Variants in JMJD1C observed in about 807,000 individuals in gnomAD.
JMJD1C encodes jumonji domain-containing protein 1C.
JMJD1C carries 31 observed loss-of-function variants against 245.3 expected under a neutral mutation model. The observed-to-expected ratio is 0.13, with a 90% CI of 0.09 to 0.17. The LOEUF (loss-of-function observed/expected upper bound fraction) is 0.17. Among genes scored for constraint, JMJD1C ranks in the 10% least tolerant of loss-of-function variants. JMJD1C has a pLI of 1.00. For missense variants in JMJD1C, 2,691 were observed against 3,000.2 expected, an observed-to-expected ratio of 0.90 and a Z score of 2.41; for synonymous variants, 1,057 against 1,017.4, an observed-to-expected ratio of 1.04 and a Z score of -0.74.
chr10:63,484,666 G>C (rs983119397), intron 1 of JMJD1C, among the ~76,000 whole-genome samples: 1 of 151,462 alleles, frequency 6.6e-6, no homozygotes, highest in South Asian at 2.1e-4. Flanking sequence ...GGCAAGAATA[G>C]ATGTTTTACT....
At chr10:63,210,114 G>T (rs941378146) in intron 8 of JMJD1C, among the ~76,000 whole-genome samples, 1 of 151,814 alleles carries the variant, frequency 6.6e-6, no homozygotes, top group East Asian at 1.9e-4. Context: ...ATACACTATA[G>T]CCATAAACCC....
chr10:63,289,301 A>G (rs1412976045), intron 2 of JMJD1C, among the ~76,000 whole-genome samples: 2 of 121,740 alleles, frequency 1.6e-5, no homozygotes, highest in African/African-American at 5.2e-5. Context: ...ATGTGTATAC[A>G]AATTTAATAA....
chr10:63,482,873 T>C (rs555354905), intron 1 of JMJD1C, among the ~76,000 whole-genome samples: 1 of 152,318 alleles, frequency 6.6e-6, no homozygotes, highest in African/African-American at 2.4e-5. Context: ...AAGCACTCAA[T>C]TAACTATTGC....
At chr10:63,284,727 T>G (rs1395632074) in intron 2 of JMJD1C, among the ~76,000 whole-genome samples, 1 of 152,130 alleles carries the variant, frequency 6.6e-6, no homozygotes, top group Non-Finnish European at 1.5e-5. Flanking sequence ...GAAAGATTAA[T>G]AAAAACAAGC....
At chr10:63,186,470 G>T in intron 18 of JMJD1C, 87 bp from the exon 19 acceptor site, 1 of 1,122,876 alleles carries the variant, frequency 8.9e-7, no homozygotes, top group Non-Finnish European at 1.2e-6. Flanking sequence ...ACAGAGTCTT[G>T]CTCTCTTACC....
At chr10:63,197,606 C>A in intron 12 of JMJD1C, 43 bp from the exon 13 acceptor site, 1 of 1,464,238 alleles carries the variant, frequency 6.8e-7, no homozygotes, top group East Asian at 2.5e-5. Context: ...CAAACATGCT[C>A]TTTTCCAAGG....
At chr10:63,245,133 C>CAA (rs71025133) in intron 3 of JMJD1C, among the ~76,000 whole-genome samples, 65 of 65,682 alleles carry the variant, frequency 9.9e-4, no homozygotes, top group African/African-American at 2.4e-3. Context: ...GACTCTGTCT[C>CAA]AAAAAAAAAA....
At chr10:63,499,810 C>T (rs574002009) in intron 1 of JMJD1C, among the ~76,000 whole-genome samples, 3 of 152,256 alleles carry the variant, frequency 2.0e-5, no homozygotes, top group East Asian at 3.9e-4. Context: ...TATAAACATA[C>T]ACAATATCAA....
chr10:63,209,456 TTAAA>T (rs919025897), intron 8 of JMJD1C, among the ~76,000 whole-genome samples: 1 of 152,172 alleles, frequency 6.6e-6, no homozygotes, highest in African/African-American at 2.4e-5. Context: ...ATAATCAGTA[TTAAA>T]TAATTTATTG....
At chr10:63,224,824 G>A (rs1849046722) in intron 3 of JMJD1C, among the ~76,000 whole-genome samples, 2 of 152,140 alleles carry the variant, frequency 1.3e-5, no homozygotes, top group African/African-American at 4.8e-5. Context: ...AGCACTTTGG[G>A]AGGCCGAGGT....
intron 1 of JMJD1C, among the ~76,000 whole-genome samples, chr10:63,514,662 T>C (rs1589844607): frequency 1.3e-5 from 2 of 152,084 alleles, no homozygotes; most frequent in East Asian, 3.9e-4. Context: ...GATGAAAAAC[T>C]GTGGGATACT....
rs573739913 is a variant in JMJD1C at position 63,211,460 on chromosome 10, A to C, written c.2694+2013T>G. Among the ~76,000 whole-genome samples the C allele has an allele frequency of 3.7e-5, 3 of 81,906 alleles. No homozygotes were observed. In the South Asian group the frequency reaches 1.4e-3, roughly 38 times the overall value. The allele number at this position is 81,906 out of a possible 152,430, so 53.7% of individuals were successfully genotyped here. A position where few individuals can be genotyped will look rare whatever the true frequency, so the allele number is the denominator to read the frequency against. ...TAGCCTGGCAACAGAGGGAGACTCC[A>C]TCTCAAAAAAAAAAAAAAAAAAGTT... On this transcript the variant is annotated intron_variant, in intron 8 of 25. Transcript: ENST00000399262.
At chr10:63,301,236 A>T (rs1282745216) in intron 2 of JMJD1C, among the ~76,000 whole-genome samples, 1 of 152,090 alleles carries the variant, frequency 6.6e-6, no homozygotes, top group Admixed American at 6.6e-5. Context: ...ACTGGTCTTG[A>T]ACTCCTGGCC....
intron 2 of JMJD1C, among the ~76,000 whole-genome samples, chr10:63,359,988 G>A (rs1945185142): frequency 1.3e-5 from 2 of 151,982 alleles, no homozygotes; most frequent in Non-Finnish European, 2.9e-5. Flanking sequence ...AAAGATAGCA[G>A]ACAGAAAACA....
At chr10:63,398,644 AATTT>A (rs1376641465) in intron 1 of JMJD1C, among the ~76,000 whole-genome samples, 6 of 150,670 alleles carry the variant, frequency 4.0e-5, no homozygotes, top group Middle Eastern at 6.8e-3. Flanking sequence ...TCTGAAAAAA[AATTT>A]TTTTTTTTTT....
chr10:63,393,502 ATAAC>A (rs1044807540), intron 1 of JMJD1C, among the ~76,000 whole-genome samples: 18 of 152,178 alleles, frequency 1.2e-4, no homozygotes, highest in African/African-American at 3.9e-4. Context: ...CACTAAAAAT[ATAAC>A]TACCATATGG....
chr10:63,337,624 A>AAAAGAAAAAG (rs139374030), intron 2 of JMJD1C, among the ~76,000 whole-genome samples: 1,390 of 59,428 alleles, frequency 0.023, 77 homozygotes, highest in Non-Finnish European at 0.034. Context: ...AAAAGAAAAG[A>AAAAGAAAAAG]AAAAGAAAAG....
rs767133115 is a variant in JMJD1C at position 63,198,550 on chromosome 10, T to C, written c.5454A>G (p.Thr1818=). 2 of 1,607,586 alleles carry C rather than the reference T, an allele frequency of 1.2e-6. No homozygotes were observed. Among genetic ancestry groups the C allele is most frequent in the South Asian group, 1.1e-5 (1 of 90,382 alleles). Residue 1818 remains threonine, a synonymous_variant, in exon 12 of 26, where the codon ACA becomes ACG. Coordinates refer to ENST00000399262, the MANE Select transcript of JMJD1C (RefSeq NM_032776.3). ...IIGDKFCQLV[T]SEKTALSWVK... ...CCCAGGACAAAGCTGTTTTTTCAGA[T>C]GTTACTAATTGACAGAACTTATCAC...
chr10:63,367,997 A>G (rs565102252), intron 2 of JMJD1C, among the ~76,000 whole-genome samples: 5 of 152,216 alleles, frequency 3.3e-5, no homozygotes, highest in South Asian at 4.1e-4. Flanking sequence ...CTATCAGGCA[A>G]TATTTATAGG....
Sources: gnomAD v4.1 joint callset for allele counts (sites outside exome capture counted in the v4.1 genomes callset) on GRCh38, gnomAD v4.1.1 for gene constraint, MANE v1.5 for transcripts, NCBI Gene and HGNC (gene_info 2026-07-23, HGNC 2026-07-21) for gene names.